HSPA12A: variants seen among roughly 807,000 people sequenced by gnomAD.
HSPA12A encodes the protein heat shock protein family A (Hsp70) member 12A.
Under a neutral mutation model 69.2 loss-of-function variants are expected in HSPA12A, and 28 were observed. That is an observed-to-expected ratio of 0.40 (90% CI 0.30 to 0.55). HSPA12A has a LOEUF of 0.55. Among genes scored for constraint, HSPA12A ranks in the 20% least tolerant of loss-of-function variants. The pLI, the probability that HSPA12A is intolerant of heterozygous loss-of-function variation, is 0.38. For missense variants in HSPA12A, 686 were observed against 900.7 expected, an observed-to-expected ratio of 0.76 and a Z score of 3.05; for synonymous variants, 345 against 370.5, an observed-to-expected ratio of 0.93 and a Z score of 0.79.
intron 1 of HSPA12A, among the ~76,000 whole-genome samples, chr10:116,741,108 T>TC (rs1851490949): frequency 6.6e-6 from 1 of 152,030 alleles, no homozygotes; most frequent in Non-Finnish European, 1.5e-5. Context: ...CGGCCTGGGC[T>TC]CTCCGCTGCC....
intron 6 of HSPA12A, among the ~76,000 whole-genome samples, chr10:116,688,797 T>A (rs1849651524): frequency 6.6e-6 from 1 of 152,224 alleles, no homozygotes; most frequent in South Asian, 2.1e-4. Flanking sequence ...CGGAGCCTAC[T>A]AGAGTTACAC....
intron 2 of HSPA12A, among the ~76,000 whole-genome samples, chr10:116,813,669 G>A (rs1845241713): frequency 6.6e-6 from 1 of 152,064 alleles, no homozygotes; most frequent in Non-Finnish European, 1.5e-5. Context: ...GCTTGAGCCT[G>A]GGAGTTCAAG....
upstream of HSPA12A, chr10:116,849,853 G>T: frequency 9.5e-6 from 11 of 1,159,024 alleles, no homozygotes; most frequent in Non-Finnish European, 1.4e-5. Context: ...CCGGGCCCTG[G>T]GCCTGCGTGT....
chr10:116,826,845 C>T (rs1038958373), intron 2 of HSPA12A, among the ~76,000 whole-genome samples: 3 of 152,192 alleles, frequency 2.0e-5, no homozygotes, highest in Middle Eastern at 3.2e-3. Context: ...TAATCTGTGC[C>T]AGGCACCATG....
chr10:116,681,791 C>T lies in HSPA12A; in HGVS notation c.922G>A (p.Gly308Ser). Residue 308 changes from glycine to serine, a missense_variant and splice_region_variant, in exon 8 of 12, where the codon GGT becomes AGT. Gly to Ser is a moderately conservative substitution (Grantham distance 56). Coordinates refer to ENST00000369209, the MANE Select transcript of HSPA12A (RefSeq NM_025015.3). The part of the protein sequence containing the change: ...IGEIWSELEE[G>S]DKYVVVDSGG... Reference sequence around the variant, plus strand: ...AGCAAAGGACATTGAAGGACGCTACCTTCCTCCAGCTCGGACCAGATTTCT... The same window carrying T: ...AGCAAAGGACATTGAAGGACGCTACTTTCCTCCAGCTCGGACCAGATTTCT... 1 of 1,613,676 alleles carries T rather than the reference C, an allele frequency of 6.2e-7. No individual in the cohort carries two copies. Among genetic ancestry groups the T allele is most frequent in the Non-Finnish European group, 8.5e-7 (1 of 1,179,596 alleles).
chr10:116,768,797 G>C (rs528575439), intron 2 of HSPA12A, among the ~76,000 whole-genome samples: 2 of 152,212 alleles, frequency 1.3e-5, no homozygotes, highest in East Asian at 3.9e-4. Flanking sequence ...GAGCCACTTA[G>C]CCCGGCTCAA....
At chr10:116,764,642 T>C (rs1381461236) in intron 2 of HSPA12A, among the ~76,000 whole-genome samples, 1 of 152,216 alleles carries the variant, frequency 6.6e-6, no homozygotes, top group African/African-American at 2.4e-5. Context: ...TGGTGAGACA[T>C]CTTATGATGT....
chr10:116,734,885 G>A (rs887600592), intron 1 of HSPA12A, among the ~76,000 whole-genome samples: 2 of 152,072 alleles, frequency 1.3e-5, no homozygotes, highest in African/African-American at 2.4e-5. Flanking sequence ...CCAGCTACTC[G>A]GGAGGCTGAG....
intron 6 of HSPA12A, among the ~76,000 whole-genome samples, chr10:116,690,673 C>T (rs1220708083): frequency 1.3e-5 from 2 of 152,138 alleles, no homozygotes; most frequent in Non-Finnish European, 2.9e-5. Context: ...TTCCAACAAC[C>T]CCCAGGGATT....
rs541949103 is a variant in HSPA12A, at chr10:116,837,978, G to A, written c.4-2956C>T. Among the ~76,000 whole-genome samples, 20 of 152,172 alleles carry A rather than the reference G, an allele frequency of 1.3e-4. No homozygotes were observed. In the South Asian group the frequency reaches 3.5e-3, roughly 27 times the overall value. ...TTGCCTGTAACACATATAATTAGATGTTTAATTTGATAATATAGAACTAAA... is the reference window on the plus strand; with the variant it reads ...TTGCCTGTAACACATATAATTAGATATTTAATTTGATAATATAGAACTAAA... On this transcript the variant is annotated intron_variant, in intron 1 of 12. Transcript: ENST00000635765.
upstream of HSPA12A, among the ~76,000 whole-genome samples, chr10:116,746,351 G>A (rs1468487472): frequency 6.6e-6 from 1 of 152,228 alleles, no homozygotes; most frequent in Non-Finnish European, 1.5e-5. Flanking sequence ...ATGGGTAGGG[G>A]AGGCAGCTGA....
chr10:116,680,764 C>T (rs868993846), intron 9 of HSPA12A, among the ~76,000 whole-genome samples: 1 of 152,192 alleles, frequency 6.6e-6, no homozygotes, highest in Non-Finnish European at 1.5e-5. Context: ...GGATTACAGG[C>T]GTGAGCCACC....
intron 2 of HSPA12A, among the ~76,000 whole-genome samples, chr10:116,771,351 T>C (rs1844203852): frequency 6.8e-6 from 1 of 146,264 alleles, no homozygotes. Flanking sequence ...ACAGGGGCCC[T>C]GACGAGATAC....
At chr10:116,719,820 A>C (rs1317678941) in intron 1 of HSPA12A, among the ~76,000 whole-genome samples, 23 of 152,164 alleles carry the variant, frequency 1.5e-4, no homozygotes, top group Non-Finnish European at 5.9e-5. Flanking sequence ...GCATCTTCCC[A>C]AAACCACACA....
intron 2 of HSPA12A, among the ~76,000 whole-genome samples, chr10:116,774,213 T>G (rs545902780): frequency 6.6e-6 from 1 of 152,084 alleles, no homozygotes; most frequent in East Asian, 1.9e-4. Context: ...GTTTCACCGT[T>G]TTAGCCGGGA....
intron 2 of HSPA12A, among the ~76,000 whole-genome samples, chr10:116,794,193 G>A (rs1488318966): frequency 6.6e-6 from 1 of 152,012 alleles, no homozygotes; most frequent in East Asian, 1.9e-4. Context: ...CTGGGTGACT[G>A]AGCAAGACTC....
chr10:116,776,318 C>T (rs1554891147), intron 2 of HSPA12A, among the ~76,000 whole-genome samples: 1 of 152,184 alleles, frequency 6.6e-6, no homozygotes, highest in African/African-American at 2.4e-5. Context: ...CCGCTTCCTC[C>T]CGCTGGTCTC....
intron 2 of HSPA12A, among the ~76,000 whole-genome samples, chr10:116,793,733 C>A (rs949221710): frequency 2.6e-5 from 4 of 151,524 alleles, no homozygotes; most frequent in Non-Finnish European, 2.9e-5. Flanking sequence ...ATTTCTAGGA[C>A]AATCACTAAA....
At chr10:116,694,219 T>TC (rs1434133227) in intron 5 of HSPA12A, among the ~76,000 whole-genome samples, 1 of 152,184 alleles carries the variant, frequency 6.6e-6, no homozygotes, top group Non-Finnish European at 1.5e-5. Context: ...TCACGGGCTT[T>TC]CCTTCATGAC....
Sources: allele counts gnomAD v4.1 joint callset (sites outside exome capture counted in the v4.1 genomes callset), GRCh38; gene constraint gnomAD v4.1.1; transcripts MANE v1.5; gene names NCBI Gene and HGNC (gene_info 2026-07-23, HGNC 2026-07-21).